The following PAPSS1 variants were observed in gnomAD, a reference collection of about 807,000 sequenced individuals.
PAPSS1 encodes 3'-phosphoadenosine 5'-phosphosulfate synthase 1.
Under a neutral mutation model 72.0 loss-of-function variants are expected in PAPSS1, and 50 were observed. That is an observed-to-expected ratio of 0.69 (90% confidence interval 0.55 to 0.88). The LOEUF (loss-of-function observed/expected upper bound fraction) is 0.88, where lower values mean the gene tolerates loss of function less well. Ranked by LOEUF, PAPSS1 falls within the 40% of genes least tolerant of loss-of-function variation. The pLI, the probability that PAPSS1 is intolerant of heterozygous loss-of-function variation, is 0.00. For missense variants in PAPSS1, 657 were observed against 782.2 expected (o/e 0.84, Z 1.91); for synonymous variants, 261 against 263.6 (o/e 0.99, Z 0.09).
intron 5 of PAPSS1, among the ~76,000 whole-genome samples, chr4:107,670,845 G>A (rs181648112): frequency 1.3e-5 from 2 of 152,258 alleles, no homozygotes; most frequent in Admixed American, 1.3e-4. Context: ...GCATATGCCA[G>A]GTATAAATCA....
chr4:107,684,966 C>T (rs976787624), intron 4 of PAPSS1, among the ~76,000 whole-genome samples: 37 of 151,966 alleles, frequency 2.4e-4, no homozygotes, highest in African/African-American at 8.7e-4. Flanking sequence ...AGTGCAGTGG[C>T]ACAATTTCGG....
Position 107,656,927 on chromosome 4 carries a change from C to G in PAPSS1, c.864G>C (p.Leu288Phe). 1.2e-6 allele frequency: 2 copies of G among 1,613,068 alleles called. No homozygotes were observed. Among genetic ancestry groups the G allele is most frequent in the South Asian group, 2.2e-5 (2 of 91,050 alleles). Residue 288 changes from leucine (L) to phenylalanine (F), a missense_variant, in exon 7 of 12, where the codon TTG becomes TTC. Leu to Phe is a conservative substitution (Grantham distance 22). Coordinates refer to ENST00000265174, the MANE Select transcript of PAPSS1 (RefSeq NM_005443.5). ...GAAGACAATCAAAATGAAGGCACTG[C>G]AAGTACTCCCTCTCTCTCATAAAGC... ...LNGFMREREYLQCLHFDCLLD... is the reference protein window; with the variant it reads ...LNGFMREREYFQCLHFDCLLD...
Position 107,614,495 on chromosome 4 carries a change from T to C in PAPSS1, c.1737-108A>G, listed in dbSNP as rs188228280. ...TTAGACAAACTTAATGAAAAAAAAATACTGAACATAGTACTTGTGAATATA... is the reference window on the plus strand; with the variant it reads ...TTAGACAAACTTAATGAAAAAAAAACACTGAACATAGTACTTGTGAATATA... On this transcript the variant is annotated intron_variant, in intron 11 of 11. Coordinates refer to ENST00000265174, the MANE Select transcript of PAPSS1 (RefSeq NM_005443.5). 319 of 734,470 alleles carry C rather than the reference T, an allele frequency of 4.3e-4. 6 individuals carry two copies. The East Asian group carries it at 7.0e-3, about 16-fold the overall frequency. 45.5% of individuals were successfully genotyped at this position (734,470 alleles called of 1,614,324 possible).
At chr4:107,670,424 G>C in intron 5 of PAPSS1, among the ~76,000 whole-genome samples, 1 of 152,206 alleles carries the variant, frequency 6.6e-6, no homozygotes, top group East Asian at 1.9e-4. Context: ...AAAATACTAC[G>C]GTGAACTTCA....
At chr4:107,681,808 A>G (rs1482008110) in intron 5 of PAPSS1, among the ~76,000 whole-genome samples, 4 of 152,178 alleles carry the variant, frequency 2.6e-5, no homozygotes, top group African/African-American at 9.7e-5. Flanking sequence ...GTTTATACTG[A>G]CGGGGATATT....
chr4:107,701,411 T>G (rs1723203214), intron 1 of PAPSS1, 126 bp from the exon 2 acceptor site: 1 of 602,652 alleles, frequency 1.7e-6, no homozygotes, highest in Non-Finnish European at 2.8e-6. Context: ...AAAACAGTTT[T>G]TTTTTTTCCT....
chr4:107,665,054 G>A (rs1272711627), intron 5 of PAPSS1, among the ~76,000 whole-genome samples: 1 of 152,132 alleles, frequency 6.6e-6, no homozygotes, highest in Admixed American at 6.6e-5. Flanking sequence ...TCGAAAGGTT[G>A]CTACTGTTTT....
At chr4:107,684,468 C>T (rs553453857) in intron 4 of PAPSS1, among the ~76,000 whole-genome samples, 2 of 152,228 alleles carry the variant, frequency 1.3e-5, no homozygotes, top group East Asian at 3.9e-4. Flanking sequence ...TTTAAAGAAT[C>T]TTTATTAACA....
intron 9 of PAPSS1, among the ~76,000 whole-genome samples, chr4:107,652,966 T>C (rs1726888922): frequency 6.6e-6 from 1 of 152,036 alleles, no homozygotes; most frequent in South Asian, 2.1e-4. Context: ...GTATCATTAT[T>C]TGCTGTGACA....
At chr4:107,648,890 G>C (rs556128561) in intron 9 of PAPSS1, among the ~76,000 whole-genome samples, 26 of 152,272 alleles carry the variant, frequency 1.7e-4, no homozygotes, top group Admixed American at 3.3e-4. Context: ...TTAAGAAGGT[G>C]GGGGGTGGAA....
At chr4:107,684,267 C>T (rs1722713883) in intron 4 of PAPSS1, among the ~76,000 whole-genome samples, 1 of 152,130 alleles carries the variant, frequency 6.6e-6, no homozygotes, top group Admixed American at 6.5e-5. Context: ...GGGAGTCATG[C>T]CCTACAAACC....
At chr4:107,660,634 C>T (rs185769793) in intron 5 of PAPSS1, among the ~76,000 whole-genome samples, 4 of 152,280 alleles carry the variant, frequency 2.6e-5, no homozygotes, top group African/African-American at 7.2e-5. Flanking sequence ...TTATAAAACA[C>T]TGGGATGGTG....
At chr4:107,688,302 G>A (rs1378710483) in intron 3 of PAPSS1, among the ~76,000 whole-genome samples, 2 of 152,166 alleles carry the variant, frequency 1.3e-5, no homozygotes, top group Non-Finnish European at 2.9e-5. Flanking sequence ...ACTGCTAAGG[G>A]CAGTGGTGTA....
At chr4:107,707,325 C>A (rs1453457829) in intron 1 of PAPSS1, among the ~76,000 whole-genome samples, 3 of 152,154 alleles carry the variant, frequency 2.0e-5, no homozygotes, top group African/African-American at 7.2e-5. Flanking sequence ...TAGCTCTAAG[C>A]CCAGGGCCAC....
At chr4:107,675,654 A>G (rs976215403) in intron 5 of PAPSS1, among the ~76,000 whole-genome samples, 1 of 152,338 alleles carries the variant, frequency 6.6e-6, no homozygotes, top group South Asian at 2.1e-4. Flanking sequence ...AATCAATAGA[A>G]AAAGAGAGAA....
intron 5 of PAPSS1, among the ~76,000 whole-genome samples, chr4:107,674,252 A>G (rs1316660613): frequency 6.6e-6 from 1 of 152,214 alleles, no homozygotes; most frequent in Non-Finnish European, 1.5e-5. Flanking sequence ...TTGGATAAAG[A>G]GTCAAGACCC....
intron 11 of PAPSS1, among the ~76,000 whole-genome samples, chr4:107,630,295 T>C (rs982697459): frequency 1.3e-5 from 2 of 152,262 alleles, no homozygotes; most frequent in African/African-American, 4.8e-5. Context: ...GTATGTTTGA[T>C]ATAGTTTGGC....
rs533583149 is a variant in PAPSS1, at chr4:107,692,711, A to T, written c.411+1060T>A. On this transcript the variant is annotated intron_variant, in intron 3 of 11. Coordinates refer to ENST00000265174, the MANE Select transcript of PAPSS1 (RefSeq NM_005443.5). The stretch of plus-strand genomic sequence containing the variant: ...GTATGTTCACTGCAACACTATTCAC[A>T]GTAGCAAAGACATAGAATCAACCTA... Among the ~76,000 whole-genome samples, 3 of 152,278 alleles carry T rather than the reference A, an allele frequency of 2.0e-5. No individual in the cohort carries two copies. The East Asian group carries it at 5.8e-4, about 29-fold the overall frequency.
intron 1 of PAPSS1, among the ~76,000 whole-genome samples, chr4:107,713,423 C>T (rs1723548728): frequency 6.6e-6 from 1 of 151,950 alleles, no homozygotes; most frequent in African/African-American, 2.4e-5. Context: ...GATGGCTGTA[C>T]AACTCTGGCT....
Sources: gnomAD v4.1 joint callset for allele counts (sites outside exome capture counted in the v4.1 genomes callset) on GRCh38, gnomAD v4.1.1 for gene constraint, MANE v1.5 for transcripts, NCBI Gene and HGNC (gene_info 2026-07-23, HGNC 2026-07-21) for gene names.